RBFOX1: variants seen among roughly 807,000 people sequenced by gnomAD.
The protein encoded by RBFOX1 is RNA binding protein fox-1 homolog 1.
In RBFOX1, 8 loss-of-function variants were observed where a neutral mutation model predicts 57.7. The observed-to-expected ratio is 0.14, with a 90% CI of 0.08 to 0.25. The LOEUF (loss-of-function observed/expected upper bound fraction) is 0.25, where lower values mean the gene tolerates loss of function less well. Ranked by LOEUF, RBFOX1 falls within the 10% of genes least tolerant of loss-of-function variation. RBFOX1 has a pLI of 1.00. For missense variants in RBFOX1, 611 were observed against 548.5 expected (o/e 1.11, Z -1.14); for synonymous variants, 326 against 222.4 (o/e 1.47, Z -4.15).
At chr16:7,254,305 C>A (rs997247418) in intron 4 of RBFOX1, among the ~76,000 whole-genome samples, 29 of 152,096 alleles carry the variant, frequency 1.9e-4, no homozygotes, top group African/African-American at 6.8e-4. Context: ...TGCCTTTAGC[C>A]CTTTTCTTGG....
intron 2 of RBFOX1, among the ~76,000 whole-genome samples, chr16:6,527,935 C>G (rs115756045): frequency 1.3e-5 from 2 of 152,112 alleles, no homozygotes; most frequent in Admixed American, 1.3e-4. Flanking sequence ...CCTTTGTTGT[C>G]CCTTTTCCCA....
At chr16:5,669,610 G>A (rs894530686) in intron 3 of RBFOX1, among the ~76,000 whole-genome samples, 2 of 152,032 alleles carry the variant, frequency 1.3e-5, no homozygotes, top group African/African-American at 4.8e-5. Flanking sequence ...ATTAGAGACG[G>A]GGTTTCACCA....
intron 2 of RBFOX1, among the ~76,000 whole-genome samples, chr16:5,545,842 A>G (rs890047379): frequency 6.6e-6 from 1 of 152,186 alleles, no homozygotes; most frequent in Non-Finnish European, 1.5e-5. Context: ...TTAATAAGGC[A>G]GGAGAAATGA....
At chr16:6,934,760 G>C (rs1597668435) in intron 3 of RBFOX1, among the ~76,000 whole-genome samples, 1 of 152,090 alleles carries the variant, frequency 6.6e-6, no homozygotes, top group Non-Finnish European at 1.5e-5. Flanking sequence ...GGATCTCAGA[G>C]GGAAAGGGGC....
intron 3 of RBFOX1, among the ~76,000 whole-genome samples, chr16:6,805,711 G>T (rs140695547): frequency 8.7e-5 from 13 of 149,920 alleles, no homozygotes; most frequent in Non-Finnish European, 1.5e-5. Flanking sequence ...TGTCCATTCT[G>T]CATGCCTCAC....
chr16:6,151,368 C>G (rs1229875817), intron 1 of RBFOX1, among the ~76,000 whole-genome samples: 3 of 152,162 alleles, frequency 2.0e-5, no homozygotes, highest in Non-Finnish European at 4.4e-5. Flanking sequence ...TCACTGCAAC[C>G]TCTGCCTCCC....
At chr16:6,126,695 T>G (rs1400099796) in intron 1 of RBFOX1, among the ~76,000 whole-genome samples, 1 of 152,066 alleles carries the variant, frequency 6.6e-6, no homozygotes, top group Non-Finnish European at 1.5e-5. Flanking sequence ...CTAGAGCAGG[T>G]TTTGTTCTTT....
intron 3 of RBFOX1, among the ~76,000 whole-genome samples, chr16:6,687,536 G>A (rs529024382): frequency 6.6e-6 from 1 of 152,146 alleles, no homozygotes; most frequent in South Asian, 2.1e-4. Context: ...TAACAAACAT[G>A]TCCTGATATC....
At chr16:7,516,806 C>T (rs575717732) in intron 4 of RBFOX1, among the ~76,000 whole-genome samples, 2 of 152,002 alleles carry the variant, frequency 1.3e-5, no homozygotes, top group African/African-American at 4.8e-5. Flanking sequence ...ACAAATGCAC[C>T]AGCTCCGTGT....
chr16:6,007,935 A>G (rs938367676), intron 4 of RBFOX1, among the ~76,000 whole-genome samples: 1 of 152,168 alleles, frequency 6.6e-6, no homozygotes, highest in Non-Finnish European at 1.5e-5. Context: ...GATATGGGCC[A>G]GGTGCAGTGG....
intron 4 of RBFOX1, among the ~76,000 whole-genome samples, chr16:7,169,250 T>C (rs2080194144): frequency 6.6e-6 from 1 of 152,212 alleles, no homozygotes; most frequent in African/African-American, 2.4e-5. Context: ...TAATAACATA[T>C]TATTATGTGA....
At chr16:6,571,513 A>T (rs768221968) in intron 2 of RBFOX1, among the ~76,000 whole-genome samples, 5 of 152,132 alleles carry the variant, frequency 3.3e-5, no homozygotes, top group African/African-American at 4.8e-5. Flanking sequence ...GGGTGAAATA[A>T]AAGGCAAGGG....
At position 5,613,151 on chromosome 16, in the gene RBFOX1, C is replaced by T. The variant is rs1400299503; in HGVS notation, c.318+14190C>T. On this transcript the variant is annotated intron_variant, in intron 3 of 19. Coordinates refer to the RBFOX1 transcript ENST00000641259. ...GAGGGGCCTCAGTTGGAGCAGGGGA[C>T]AGAATCACAGGGGTACCAAGACGGG... Among the ~76,000 whole-genome samples the T allele has an allele frequency of 1.3e-5, 2 of 152,162 alleles. 1 individual carries two copies. The highest frequency in any genetic ancestry group is 4.2e-4 in the South Asian group (2 of 4,816).
intron 2 of RBFOX1, among the ~76,000 whole-genome samples, chr16:6,506,099 C>G (rs1006342641): frequency 3.9e-5 from 6 of 152,140 alleles, no homozygotes; most frequent in Non-Finnish European, 7.4e-5. Context: ...TCCAGACATG[C>G]CCTACTAAGA....
At chr16:7,472,296 TGTATTTACCAAATTACCAAATAGTA>T (rs1247881057) in intron 4 of RBFOX1, among the ~76,000 whole-genome samples, 4,176 of 147,610 alleles carry the variant, frequency 0.028, 170 homozygotes, top group African/African-American at 0.097. Context: ...TGGAGTACCA[TGTATTTACCAAATTACCAAATAGTA>T]ATTTGGAGGA....
intron 1 of RBFOX1, among the ~76,000 whole-genome samples, chr16:6,095,101 A>T (rs964430157): frequency 4.6e-5 from 7 of 152,212 alleles, no homozygotes; most frequent in African/African-American, 1.7e-4. Flanking sequence ...CATGAAACCC[A>T]GTGGATTCCT....
intron 2 of RBFOX1, among the ~76,000 whole-genome samples, chr16:5,579,191 G>A (rs984504488): frequency 6.6e-6 from 1 of 151,914 alleles, no homozygotes; most frequent in Non-Finnish European, 1.5e-5. Context: ...ACCTGCTATC[G>A]CCCCACCCAA....
chr16:5,873,333 G>T (rs924628790), intron 4 of RBFOX1, among the ~76,000 whole-genome samples: 1 of 152,112 alleles, frequency 6.6e-6, no homozygotes, highest in East Asian at 1.9e-4. Context: ...GGAGTTAATG[G>T]CCCTCTTGTC....
At chr16:6,006,528 A>C (rs1003159780) in intron 4 of RBFOX1, among the ~76,000 whole-genome samples, 1 of 152,232 alleles carries the variant, frequency 6.6e-6, no homozygotes, top group African/African-American at 2.4e-5. Flanking sequence ...GAAAGAAGAG[A>C]TGGAGACAGA....
Sources: gnomAD v4.1 joint callset for allele counts (sites outside exome capture counted in the v4.1 genomes callset) on GRCh38, gnomAD v4.1.1 for gene constraint, MANE v1.5 for transcripts, NCBI Gene and HGNC (gene_info 2026-07-23, HGNC 2026-07-21) for gene names.